TAPBPL: variants seen among roughly 807,000 people sequenced by gnomAD.
TAPBPL encodes tapasin-related protein.
A neutral mutation model predicts 44.8 loss-of-function variants in TAPBPL; 32 were observed. That is an observed-to-expected ratio of 0.71 (90% CI 0.54 to 0.96). The LOEUF (loss-of-function observed/expected upper bound fraction) is 0.96, where lower values mean the gene tolerates loss of function less well. Among genes scored for constraint, TAPBPL ranks in the 40% least tolerant of loss-of-function variants. TAPBPL has a pLI of 0.00. For missense variants in TAPBPL, 520 were observed against 586.6 expected, an observed-to-expected ratio of 0.89 and a Z score of 1.17; for synonymous variants, 230 against 240.7, an observed-to-expected ratio of 0.96 and a Z score of 0.41.
intron 4 of TAPBPL, 126 bp downstream of exon 4, chr12:6,457,870 G>T (rs1949741527): frequency 1.9e-6 from 2 of 1,055,682 alleles, no homozygotes; most frequent in South Asian, 1.7e-5. Flanking sequence ...CAACTTAAAT[G>T]CCATCTTCAC....
downstream of TAPBPL, chr12:6,463,931 G>C (rs1592145146): frequency 1.6e-6 from 2 of 1,289,268 alleles, no homozygotes; most frequent in African/African-American, 1.5e-5. The surrounding 1 kb of genome is among the most constrained non-coding windows in gnomAD (Gnocchi z 4.0). Context: ...TTCGAAAAGG[G>C]TACTGCACTG....
In TAPBPL at chr12:6,462,128, G is replaced by A. The variant is rs71584826; in HGVS notation, c.1386G>A (p.Ala462=). The part of the protein sequence containing the change: ...QSSHLHEDRT[A]RVSQPS ...CCCATCTCCATGAAGACCGCACAGC[G>A]CGTGTAAGCCAGCCCAGCTGACCTA... Residue 462 remains alanine, a synonymous_variant, in exon 7 of 7, where the codon GCG becomes GCA. Coordinates refer to ENST00000266556, the MANE Select transcript of TAPBPL (RefSeq NM_018009.5). The A allele has an allele frequency of 1.5e-3, 2,351 of 1,612,452 alleles. 4 individuals carry two copies. The highest frequency in any genetic ancestry group is 1.7e-3 in the Non-Finnish European group (2,017 of 1,178,748).
chr12:6,463,845 AGTT>A (rs1949939089), downstream of TAPBPL: 1 of 1,241,396 alleles, frequency 8.1e-7, no homozygotes, highest in African/African-American at 1.6e-5. This position sits in a 1 kb window ranked among gnomAD's most constrained non-coding sequence, Gnocchi z 4.0. Flanking sequence ...AACAAAGTAA[AGTT>A]GTAAGATCCC....
At position 6,453,120 on chromosome 12, in the gene TAPBPL, T is replaced by C. The variant is rs1293131426; in HGVS notation, c.118T>C (p.Phe40Leu). The C allele has an allele frequency of 2.5e-6, 4 of 1,587,906 alleles. No homozygotes were observed. The highest frequency in any genetic ancestry group is 3.4e-6 in the Non-Finnish European group (4 of 1,167,306). The change falls in exon 2 of 7, where the codon TTC becomes CTC. Residue 40 changes from phenylalanine to leucine, a missense_variant. Transcript: ENST00000266556. This position sits in a 1 kb window ranked among gnomAD's most constrained non-coding sequence, Gnocchi z 4.8. ...WRAVDVVLDC[F>L]LAKDGAHRGA... The stretch of plus-strand genomic sequence containing the variant: ...GGCAGTGGACGTGGTCCTAGACTGC[T>C]TCCTGGCGAAGGACGGTGCGCACCG...
chr12:6,452,216 G>T lies in TAPBPL; in HGVS notation c.-33G>T. The T allele has an allele frequency of 6.4e-7, 1 of 1,560,772 alleles. No homozygotes were observed. The highest frequency in any genetic ancestry group is 1.2e-5 in the South Asian group (1 of 84,716). On this transcript the variant is annotated 5_prime_UTR_variant, in exon 1 of 7. Transcript: ENST00000266556. ...GCAGCGTAGGACTGTGGAGAAGGGC[G>T]GTGGGCAAGGAGGGAACTCGAGAGC...
At chr12:6,471,170 A>C (rs1945766930), downstream of TAPBPL, among the ~76,000 whole-genome samples, 1 of 152,212 alleles carries the variant, frequency 6.6e-6, no homozygotes, top group South Asian at 2.1e-4. The surrounding 1 kb of genome is among the most constrained non-coding windows in gnomAD (Gnocchi z 4.0). Flanking sequence ...GAGAGGGTGC[A>C]GGAGCCTCGA....
At chr12:6,464,896 T>A (rs1949967329), downstream of TAPBPL, 1 of 1,613,890 alleles carries the variant, frequency 6.2e-7, no homozygotes, top group Non-Finnish European at 8.5e-7. Context: ...TTACTTACAA[T>A]AACTACCACG....
downstream of TAPBPL, among the ~76,000 whole-genome samples, chr12:6,471,168 G>A (rs1945766896): frequency 6.6e-6 from 1 of 152,190 alleles, no homozygotes; most frequent in African/African-American, 2.4e-5. This position sits in a 1 kb window ranked among gnomAD's most constrained non-coding sequence, Gnocchi z 4.0. Flanking sequence ...CTGAGAGGGT[G>A]CAGGAGCCTC....
chr12:6,451,752 A>C, upstream of TAPBPL: 1 of 271,868 alleles, frequency 3.7e-6, no homozygotes. Flanking sequence ...TCCCAGTCCC[A>C]AAATCCAGTT....
At chr12:6,470,591 T>A, downstream of TAPBPL, 1 of 1,611,446 alleles carries the variant, frequency 6.2e-7, no homozygotes, top group Non-Finnish European at 8.5e-7. Context: ...AGACACCCGG[T>A]GAGGGACGCT....
At chr12:6,463,809 C>G (rs1395184594), downstream of TAPBPL, 17 of 1,202,424 alleles carry the variant, frequency 1.4e-5, no homozygotes, top group Non-Finnish European at 1.8e-5. The surrounding 1 kb of genome is among the most constrained non-coding windows in gnomAD (Gnocchi z 4.0). Flanking sequence ...TTTCACAATC[C>G]CTAAGTGTTC....
chr12:6,465,197 T>C (rs1949973105), downstream of TAPBPL: 5 of 508,264 alleles, frequency 9.8e-6, no homozygotes, highest in African/African-American at 6.0e-5. Context: ...TCCTGGTGTC[T>C]TGGGGCTTTA....
chr12:6,455,785 C>A (rs61917980), intron 3 of TAPBPL, among the ~76,000 whole-genome samples: 1 of 144,472 alleles, frequency 6.9e-6, no homozygotes, highest in Non-Finnish European at 1.5e-5. Context: ...TTTTTTTTAA[C>A]AGTCTCATTC....
At chr12:6,463,867 C>T (rs74056956), downstream of TAPBPL, 10,257 of 1,266,018 alleles carry the variant, frequency 8.1e-3, 673 homozygotes, top group African/African-American at 0.14. This position sits in a 1 kb window ranked among gnomAD's most constrained non-coding sequence, Gnocchi z 4.0. Context: ...CCCAAAGACA[C>T]GGAAAATCCT....
intron 3 of TAPBPL, among the ~76,000 whole-genome samples, chr12:6,455,163 TCCC>T (rs1465430908): frequency 1.6e-4 from 25 of 152,252 alleles, no homozygotes; most frequent in Admixed American, 3.9e-4. Context: ...ACATTCTCTC[TCCC>T]CCGACTCCTC....
chr12:6,468,834 G>C (rs775224086), downstream of TAPBPL, among the ~76,000 whole-genome samples: 9 of 152,098 alleles, frequency 5.9e-5, no homozygotes, highest in African/African-American at 9.7e-5. Flanking sequence ...CCACAGGCAG[G>C]GGGGAGATCT....
At chr12:6,452,705 GC>G in intron 1 of TAPBPL, 1 of 874,466 alleles carries the variant, frequency 1.1e-6, no homozygotes, top group Non-Finnish European at 1.6e-6. Context: ...GGCTGTCAGT[GC>G]CCCAGCAACA....
In TAPBPL at chr12:6,458,900, T is replaced by A. The variant is rs142002557; in HGVS notation, c.1160T>A (p.Ile387Asn). ...ACTTACACCTGCCAGGTCACACACA[T>A]CTCTCTGGAGGAGCCCCTTGGGGCC... is the stretch of plus-strand genomic sequence containing the variant. ...GATYTCQVTH[I>N]SLEEPLGAST... Residue 387 changes from isoleucine to asparagine, a missense_variant, in exon 5 of 7, where the codon ATC (isoleucine) becomes AAC (asparagine). Coordinates refer to ENST00000266556, the MANE Select transcript of TAPBPL (RefSeq NM_018009.5). 1 of 1,614,096 alleles carries A rather than the reference T, an allele frequency of 6.2e-7. No individual in the cohort carries two copies. The highest frequency in any genetic ancestry group is 8.5e-7 in the Non-Finnish European group (1 of 1,180,018).
At chr12:6,466,503 C>T (rs1262401302), downstream of TAPBPL, 3 of 694,618 alleles carry the variant, frequency 4.3e-6, no homozygotes, top group Non-Finnish European at 6.8e-6. Context: ...GGCATCATAG[C>T]GAGACCCCAT....
Sources: gnomAD v4.1 joint callset for allele counts (sites outside exome capture counted in the v4.1 genomes callset) on GRCh38, gnomAD v4.1.1 for gene constraint, Gnocchi (gnomAD v3.1) non-coding constraint, MANE v1.5 for transcripts, NCBI Gene and HGNC (gene_info 2026-07-23, HGNC 2026-07-21) for gene names.